Variants in ADAMTS2 observed in about 807,000 individuals in gnomAD.
The protein encoded by ADAMTS2 is ADAM metallopeptidase with thrombospondin type 1 motif 2.
In ADAMTS2, 50 loss-of-function variants were observed where a neutral mutation model predicts 123.0. That is an observed-to-expected ratio of 0.41 (90% CI 0.32 to 0.51). The LOEUF (loss-of-function observed/expected upper bound fraction) is 0.51, where lower values mean the gene tolerates loss of function less well. Ranked by LOEUF, ADAMTS2 falls within the 20% of genes least tolerant of loss-of-function variation. The pLI is 0.35. For synonymous variants in ADAMTS2, 678 were observed against 695.4 expected (o/e 0.98, Z 0.39); for missense variants, 1,494 against 1,705.2 (o/e 0.88, Z 2.18).
chr5:179,111,212 T>G lies in ADAMTS2; in HGVS notation c.*2655A>C, dbSNP rs1762561615. The stretch of plus-strand genomic sequence containing the variant: ...CACGAGTCTGCCCACTAAGGAGAAG[T>G]GACTCAGGGACACTGTTGCAGATTT... On this transcript the variant is annotated 3_prime_UTR_variant, in exon 22 of 22. Transcript: ENST00000251582. 6.6e-6 allele frequency: 1 copy of G among 152,170 alleles called. No individual in the cohort carries two copies. The highest frequency in any genetic ancestry group is 6.5e-5 in the Admixed American group (1 of 15,270). The allele number at this position is 152,170 out of a possible 1,614,324, so 9.4% of individuals were successfully genotyped here.
At position 179,272,770 on chromosome 5, in the gene ADAMTS2, T is replaced by G; in HGVS notation, c.688+141A>C. Reference sequence around the variant, plus strand: ...TGCCGTCAGCCAGGCAGCTGGCCCATTTCTGAGCCACTGAGACCGGGGCTC... The same window carrying G: ...TGCCGTCAGCCAGGCAGCTGGCCCAGTTCTGAGCCACTGAGACCGGGGCTC... On this transcript the variant is annotated intron_variant, in intron 3 of 21. Transcript: ENST00000251582. The surrounding 1 kb of genome is among the most constrained non-coding windows in gnomAD (Gnocchi z 5.8). 8.9e-7 allele frequency: 1 copy of G among 1,121,970 alleles called. No individual in the cohort carries two copies. The highest frequency in any genetic ancestry group is 1.2e-6 in the Non-Finnish European group (1 of 802,766). 69.5% of individuals were successfully genotyped at this position (1,121,970 alleles called of 1,614,324 possible).
intron 2 of ADAMTS2, among the ~76,000 whole-genome samples, chr5:179,279,120 T>C (rs28484587): frequency 0.77 from 117,029 of 151,880 alleles, 49,434 homozygotes; most frequent in Non-Finnish European, 0.93. Flanking sequence ...ATCAGCAGCC[T>C]CCCACCTGTG....
chr5:179,121,677 G>T lies in ADAMTS2; in HGVS notation c.3162C>A (p.Ile1054=). 1.2e-6 allele frequency: 2 copies of T among 1,600,264 alleles called. No homozygotes were observed. The highest frequency in any genetic ancestry group is 1.7e-4 in the Middle Eastern group (1 of 6,016). The change falls in exon 21 of 22, where the codon ATC becomes ATA. Residue 1054 remains isoleucine, a synonymous_variant. Coordinates refer to ENST00000251582, the MANE Select transcript of ADAMTS2 (RefSeq NM_014244.5). ...GTCGGTTACTTGACGAGATCTTCCG[G>T]ATGGGCGAGTCGGGGTCCGGGCGGG... The part of the protein sequence containing the change: ...WLSRPDPDSP[I]RKISSKGHCQ...
chr5:179,345,242 C>A lies in ADAMTS2; in HGVS notation c.87G>T (p.Pro29=). ...LLLLLPPPLL[P]PPPPPANARL... is the part of the protein sequence containing the mutation. Reference sequence around the variant, plus strand: ...TGGCGTTCGCGGGCGGCGGCGGCGGCGGCAGGAGCGGCGGCGGCAGCAGCA... The same window carrying A: ...TGGCGTTCGCGGGCGGCGGCGGCGGAGGCAGGAGCGGCGGCGGCAGCAGCA... The change falls in exon 1 of 22, where the codon CCG becomes CCT. Residue 29 remains proline, a synonymous_variant. Coordinates refer to ENST00000251582, the MANE Select transcript of ADAMTS2 (RefSeq NM_014244.5). The surrounding 1 kb of genome is among the most constrained non-coding windows in gnomAD (Gnocchi z 7.5). The A allele has an allele frequency of 1.7e-6, 2 of 1,146,138 alleles. No individual in the cohort carries two copies. The highest frequency in any genetic ancestry group is 2.1e-6 in the Non-Finnish European group (2 of 939,274). The allele number at this position is 1,146,138 out of a possible 1,614,324, so 71.0% of individuals were successfully genotyped here.
intron 2 of ADAMTS2, among the ~76,000 whole-genome samples, chr5:179,318,108 A>G (rs895694321): frequency 6.6e-6 from 1 of 152,096 alleles, no homozygotes; most frequent in African/African-American, 2.4e-5. Context: ...GACCAGGAGG[A>G]ACACAGCAGG....
intron 3 of ADAMTS2, among the ~76,000 whole-genome samples, chr5:179,264,224 G>C (rs999995585): frequency 6.6e-6 from 1 of 152,120 alleles, no homozygotes; most frequent in Non-Finnish European, 1.5e-5. Context: ...GACCCACTAT[G>C]GGATGCAGTC....
intron 3 of ADAMTS2, among the ~76,000 whole-genome samples, chr5:179,268,660 C>A (rs767715643): frequency 2.0e-5 from 3 of 152,198 alleles, no homozygotes; most frequent in Non-Finnish European, 2.9e-5. Flanking sequence ...GACTGCCAGG[C>A]TGAGACTGGC....
rs558862072 is a variant in ADAMTS2 at position 179,198,559 on chromosome 5, A to C, written c.891+8954T>G. 4.6e-5 allele frequency among the ~76,000 whole-genome samples: 7 copies of C among 152,260 alleles called. No homozygotes were observed. In the East Asian group the frequency reaches 1.4e-3, roughly 30 times the overall value. On this transcript the variant is annotated intron_variant, in intron 4 of 21. Transcript: ENST00000251582. ...TGCTCAAACTCCAGTGTAGGCCGGG[A>C]GCAGTGGCTCATGCCTGTGATCCCA...
chr5:179,269,667 A>G, intron 3 of ADAMTS2, among the ~76,000 whole-genome samples: 1 of 152,106 alleles, frequency 6.6e-6, no homozygotes, highest in East Asian at 1.9e-4. Context: ...CAATGTTCCT[A>G]TTGTTTCAAG....
In ADAMTS2 at chr5:179,285,958, A is replaced by G. The variant is rs416408; in HGVS notation, c.535-12894T>C. On this transcript the variant is annotated intron_variant, in intron 2 of 21. Coordinates refer to ENST00000251582, the MANE Select transcript of ADAMTS2 (RefSeq NM_014244.5). The surrounding 1 kb of genome is among the most constrained non-coding windows in gnomAD (Gnocchi z 4.9). ...GCCGGGCACGGTGGCTCACGCCTAT[A>G]ATCCTAGCACTTTGGGAGGCCGAGG... 4.1e-3 allele frequency among the ~76,000 whole-genome samples: 627 copies of G among 151,710 alleles called. 1 individual carries two copies. The highest frequency in any genetic ancestry group is 6.2e-3 in the Non-Finnish European group (422 of 67,844).
intron 2 of ADAMTS2, among the ~76,000 whole-genome samples, chr5:179,297,968 A>C (rs923285926): frequency 6.0e-5 from 9 of 151,246 alleles, no homozygotes; most frequent in Non-Finnish European, 1.3e-4. Flanking sequence ...CCTCCCACGC[A>C]CCAATGCCCA....
intron 10 of ADAMTS2, among the ~76,000 whole-genome samples, chr5:179,146,641 G>T (rs1260956302): frequency 6.6e-6 from 1 of 152,202 alleles, no homozygotes; most frequent in African/African-American, 2.4e-5. Flanking sequence ...TCCAAGGCCT[G>T]TTAACTTCTT....
rs1179984797 is a variant in ADAMTS2 at position 179,181,516 on chromosome 5, C to A, written c.892-361G>T. 4.6e-5 allele frequency among the ~76,000 whole-genome samples: 7 copies of A among 152,152 alleles called. No homozygotes were observed. ...TTCAACAGTGAACGTGGGTGATGGA[C>A]CCCCGCGGCACAGGCAGGGCTGGGA... On this transcript the variant is annotated intron_variant, in intron 4 of 21. Coordinates refer to ENST00000251582, the MANE Select transcript of ADAMTS2 (RefSeq NM_014244.5). The surrounding 1 kb of genome is among the most constrained non-coding windows in gnomAD (Gnocchi z 4.1).
At position 179,345,421 on chromosome 5, in the gene ADAMTS2, G is replaced by A; in HGVS notation, c.-93C>T. The A allele has an allele frequency of 1.9e-6, 2 of 1,026,152 alleles. No individual in the cohort carries two copies. The highest frequency in any genetic ancestry group is 7.1e-5 in the East Asian group (1 of 14,092). The allele number at this position is 1,026,152 out of a possible 1,614,324, so 63.6% of individuals were successfully genotyped here. A position where few individuals can be genotyped will look rare whatever the true frequency, so the allele number is the denominator to read the frequency against. ...CCCACATCTGGGGGCAGCTGGAGCC[G>A]CCCGCAGCTGCAGCACCGCAGGGCG... On this transcript the variant is annotated 5_prime_UTR_variant, in exon 1 of 22. Transcript: ENST00000251582. This position sits in a 1 kb window ranked among gnomAD's most constrained non-coding sequence, Gnocchi z 7.5.
chr5:179,249,765 C>G (rs1765877797), intron 3 of ADAMTS2, among the ~76,000 whole-genome samples: 2 of 152,016 alleles, frequency 1.3e-5, no homozygotes, highest in South Asian at 4.2e-4. Flanking sequence ...TCAAAAACTC[C>G]CAATAAAGAA....
intron 2 of ADAMTS2, among the ~76,000 whole-genome samples, chr5:179,291,491 G>A (rs375069127): frequency 6.6e-5 from 10 of 152,170 alleles, no homozygotes; most frequent in South Asian, 2.1e-4. Flanking sequence ...CCTCCAAGCC[G>A]TGCTGGACAT....
At chr5:179,166,671 C>T (rs767903755) in intron 5 of ADAMTS2, among the ~76,000 whole-genome samples, 4 of 152,196 alleles carry the variant, frequency 2.6e-5, no homozygotes, top group Admixed American at 6.5e-5. Context: ...AGCTGCCCGC[C>T]GGGTCCCTCC....
In ADAMTS2 at chr5:179,115,015, A is replaced by G. The variant is rs1581132973; in HGVS notation, c.3179-691T>C. 6.6e-6 allele frequency among the ~76,000 whole-genome samples: 1 copy of G among 152,088 alleles called. No individual in the cohort carries two copies. The highest frequency in any genetic ancestry group is 1.5e-5 in the Non-Finnish European group (1 of 67,998). On this transcript the variant is annotated intron_variant, in intron 21 of 21. Coordinates refer to ENST00000251582, the MANE Select transcript of ADAMTS2 (RefSeq NM_014244.5). The surrounding 1 kb of genome is among the most constrained non-coding windows in gnomAD (Gnocchi z 4.4). ...TTTCCAGCCTCTGCTCCATCCCCCT[A>G]TAGCACCGCCACCTTGCGCATCCAG...
At chr5:179,138,496 G>C (rs963149037) in intron 11 of ADAMTS2, among the ~76,000 whole-genome samples, 2 of 152,218 alleles carry the variant, frequency 1.3e-5, no homozygotes, top group African/African-American at 4.8e-5. Context: ...TGGAGAAGGC[G>C]GGCTGCGTTT....
Sources: allele counts gnomAD v4.1 joint callset (sites outside exome capture counted in the v4.1 genomes callset), GRCh38; gene constraint gnomAD v4.1.1; non-coding constraint Gnocchi (gnomAD v3.1); transcripts MANE v1.5; gene names NCBI Gene and HGNC (gene_info 2026-07-23, HGNC 2026-07-21).